The following KRT7 variants were observed in gnomAD, a reference collection of about 807,000 sequenced individuals.
KRT7 encodes the protein keratin, type II cytoskeletal 7.
A neutral mutation model predicts 42.8 loss-of-function variants in KRT7; 50 were observed. The observed-to-expected ratio is 1.17, with a 90% CI of 0.93 to 1.48. The LOEUF (loss-of-function observed/expected upper bound fraction) is 1.48, where lower values mean the gene tolerates loss of function less well. Among genes scored for constraint, KRT7 ranks in the 40% most tolerant of loss-of-function variants. KRT7 has a pLI of 0.00. For missense variants in KRT7, 588 were observed against 637.6 expected (o/e 0.92, Z 0.84); for synonymous variants, 268 against 266.3 (o/e 1.01, Z -0.06).
downstream of KRT7, chr12:52,252,361 C>T (rs775237733): frequency 6.2e-6 from 10 of 1,613,976 alleles, no homozygotes; most frequent in African/African-American, 2.7e-5. Context: ...ATCAGGCAGG[C>T]CATGTCCTGC....
chr12:52,253,428 C>G, downstream of KRT7: 1 of 1,563,566 alleles, frequency 6.4e-7, no homozygotes, highest in South Asian at 1.1e-5. Context: ...GTGCAGTGCT[C>G]AGCCTGTGCA....
In KRT7 at chr12:52,233,519, C is replaced by T; in HGVS notation, c.223C>T (p.Pro75Ser). 2 of 1,612,986 alleles carry T rather than the reference C, an allele frequency of 1.2e-6. No homozygotes were observed. The highest frequency in any genetic ancestry group is 1.7e-6 in the Non-Finnish European group (2 of 1,179,770). ...EVTINQSLLA[P>S]LRLDADPSLQ... ...CACCATTAACCAGAGCCTGCTGGCCCCGCTGCGGCTGGACGCCGACCCCTC... is the reference window on the plus strand; with the variant it reads ...CACCATTAACCAGAGCCTGCTGGCCTCGCTGCGGCTGGACGCCGACCCCTC... The change falls in exon 1 of 9, where the codon CCG becomes TCG. Residue 75 changes from proline (P) to serine (S), a missense_variant. Transcript: ENST00000331817.
At chr12:52,242,975 C>CATCTCTCT in intron 5 of KRT7, 37 bp from the exon 6 acceptor site, 1 of 1,585,060 alleles carries the variant, frequency 6.3e-7, no homozygotes, top group African/African-American at 1.4e-5. Context: ...ACTCACTGCC[C>CATCTCTCT]ATCTCTCTGC....
chr12:52,252,035 A>G (rs1282495571), downstream of KRT7: 6 of 719,090 alleles, frequency 8.3e-6, no homozygotes, highest in Admixed American at 2.0e-5. Context: ...ACAGACATTT[A>G]CAGCACCAAC....
In KRT7 at chr12:52,241,606, G is replaced by T. The variant is rs777019774; in HGVS notation, c.828G>T (p.Arg276=). 2.0e-5 allele frequency: 32 copies of T among 1,612,100 alleles called. No individual in the cohort carries two copies. The highest frequency in any genetic ancestry group is 2.7e-5 in the African/African-American group (2 of 74,854). Residue 276 remains arginine, a synonymous_variant, in exon 5 of 9, where the codon CGG becomes CGT. Transcript: ENST00000331817. The part of the protein sequence containing the change: ...AQYEEMAKCS[R]AEAEAWYQTK... ...ATGAGGAGATGGCCAAATGCAGCCG[G>T]GCTGAGGCTGAAGCCTGGTACCAGA...
chr12:52,234,603 G>A (rs1941983709), intron 1 of KRT7, among the ~76,000 whole-genome samples: 4 of 152,068 alleles, frequency 2.6e-5, no homozygotes, highest in Admixed American at 2.6e-4. Flanking sequence ...CCAGGGCCTG[G>A]GGCCCTGAGC....
intron 7 of KRT7, chr12:52,246,537 G>A (rs1942174421): frequency 1.3e-5 from 2 of 152,512 alleles, no homozygotes; most frequent in South Asian, 4.2e-4. Flanking sequence ...GGAGTGAAGG[G>A]GTGCTAGGGC....
At chr12:52,251,975 C>T, downstream of KRT7, 2 of 615,436 alleles carry the variant, frequency 3.2e-6, no homozygotes, top group Non-Finnish European at 6.0e-6. Context: ...AAAAGTTTGC[C>T]TGCCCAGAAC....
At chr12:52,235,459 T>C (rs1761508726) in intron 2 of KRT7, 93 bp downstream of exon 2, 1 of 1,093,692 alleles carries the variant, frequency 9.1e-7, no homozygotes, top group African/African-American at 1.6e-5. Flanking sequence ...GCTTCAGGAA[T>C]CAGCATGCAG....
intron 8 of KRT7, 33 bp from the exon 9 acceptor site, chr12:52,248,558 C>G: frequency 6.5e-7 from 1 of 1,536,904 alleles, no homozygotes; most frequent in East Asian, 2.3e-5. Flanking sequence ...GGGAGCCTCA[C>G]GCTGAAGAGA....
Position 52,241,519 on chromosome 12 carries a change from G to C in KRT7, c.741G>C (p.Leu247=). Residue 247 remains leucine, a synonymous_variant, in exon 5 of 9, where the codon CTG becomes CTC. Transcript: ENST00000331817. ...AGATCTCCGACACATCTGTGGTGCT[G>C]TCCATGGACAACAGTCGCTCCCTGG... ...QSQISDTSVV[L]SMDNSRSLDL... is the part of the protein sequence containing the mutation. 3.7e-6 allele frequency: 6 copies of C among 1,613,920 alleles called. No homozygotes were observed. Among genetic ancestry groups the C allele is most frequent in the South Asian group, 1.1e-5 (1 of 91,022 alleles).
chr12:52,247,342 G>T (rs918539218), intron 7 of KRT7: 1 of 152,158 alleles, frequency 6.6e-6, no homozygotes, highest in African/African-American at 2.4e-5. Flanking sequence ...ACCAGCAGGG[G>T]CCATTTAAGC....
downstream of KRT7, chr12:52,250,597 C>A: frequency 8.2e-7 from 1 of 1,224,120 alleles, no homozygotes; most frequent in Non-Finnish European, 1.2e-6. Context: ...GAGCCCGACA[C>A]GCACAGGTCC....
At chr12:52,239,449 A>G (rs1234761475) in intron 4 of KRT7, among the ~76,000 whole-genome samples, 1 of 152,120 alleles carries the variant, frequency 6.6e-6, no homozygotes, top group Non-Finnish European at 1.5e-5. Context: ...GGACCATTAT[A>G]TACATTATTT....
Position 52,245,586 on chromosome 12 carries a change from A to T in KRT7, c.1159A>T (p.Ile387Phe). The change falls in exon 7 of 9, where the codon ATC becomes TTC. Residue 387 changes from isoleucine (I) to phenylalanine (F), a missense_variant. Coordinates refer to ENST00000331817, the MANE Select transcript of KRT7 (RefSeq NM_005556.4). ...ELMSVKLALD[I>F]EIATYRKLLE... ...CATGAGCGTGAAGCTGGCCCTGGAC[A>T]TCGAGATCGCCACCTACCGCAAGCT... is the stretch of plus-strand genomic sequence containing the variant. 6.2e-7 allele frequency: 1 copy of T among 1,613,952 alleles called. No individual in the cohort carries two copies. Among genetic ancestry groups the T allele is most frequent in the Non-Finnish European group, 8.5e-7 (1 of 1,180,038 alleles).
At chr12:52,235,746 T>C (rs935922477) in intron 2 of KRT7, among the ~76,000 whole-genome samples, 1 of 152,174 alleles carries the variant, frequency 6.6e-6, no homozygotes, top group Non-Finnish European at 1.5e-5. Context: ...AACTCTCTTT[T>C]GTTCAGGTGA....
chr12:52,241,601 AGCCGG>A lies in KRT7; in HGVS notation c.826_830del (p.Arg276Ter). ...GCAGTATGAGGAGATGGCCAAATGC[AGCCGG>A]GCTGAGGCTGAAGCCTGGTACCAGA... On this transcript the variant is annotated frameshift_variant, in exon 5 of 9. Coordinates refer to ENST00000331817, the MANE Select transcript of KRT7 (RefSeq NM_005556.4). LOFTEE classifies it high-confidence loss of function. 6.2e-7 allele frequency: 1 copy of A among 1,612,898 alleles called. No individual in the cohort carries two copies. Among genetic ancestry groups the A allele is most frequent in the African/African-American group, 1.3e-5 (1 of 75,008 alleles).
chr12:52,241,414 GGTGGGC>G (rs1422047168), intron 4 of KRT7, 52 bp from the exon 5 acceptor site: 15 of 1,409,152 alleles, frequency 1.1e-5, no homozygotes, highest in African/African-American at 5.8e-5. Flanking sequence ...GGAATCCCAG[GGTGGGC>G]GTGGGCATAG....
At chr12:52,250,491 C>T (rs1592399530), downstream of KRT7, 1 of 676,696 alleles carries the variant, frequency 1.5e-6, no homozygotes, top group Non-Finnish European at 2.6e-6. Flanking sequence ...GGAGCGGCCG[C>T]TGCCGCTGCT....
Sources: gnomAD v4.1 joint callset for allele counts (sites outside exome capture counted in the v4.1 genomes callset) on GRCh38, gnomAD v4.1.1 for gene constraint, MANE v1.5 for transcripts, NCBI Gene and HGNC (gene_info 2026-07-23, HGNC 2026-07-21) for gene names.